Variants in NCEH1 observed in about 807,000 individuals in gnomAD.
NCEH1 encodes neutral cholesterol ester hydrolase 1.
NCEH1 carries 9 observed loss-of-function variants against 25.4 expected under a neutral mutation model. That is an observed-to-expected ratio of 0.35 (90% confidence interval 0.21 to 0.62). NCEH1 has a LOEUF of 0.62. Ranked by LOEUF, NCEH1 falls within the 20% of genes least tolerant of loss-of-function variation. NCEH1 has a pLI of 0.72. For missense variants in NCEH1, 412 were observed against 501.1 expected, an observed-to-expected ratio of 0.82 and a Z score of 1.70; for synonymous variants, 200 against 199.8, an observed-to-expected ratio of 1.00 and a Z score of -0.01.
chr3:172,692,368 T>C (rs184583912), intron 1 of NCEH1, among the ~76,000 whole-genome samples: 120 of 152,264 alleles, frequency 7.9e-4, no homozygotes, highest in African/African-American at 2.6e-3. Context: ...CTCTTTACTT[T>C]TATTTTGAGA....
At chr3:172,661,761 T>C (rs569072769) in intron 1 of NCEH1, among the ~76,000 whole-genome samples, 2 of 151,862 alleles carry the variant, frequency 1.3e-5, no homozygotes, top group Admixed American at 6.6e-5. Context: ...ACTCATGATT[T>C]GCCTCTCTGT....
intron 1 of NCEH1, among the ~76,000 whole-genome samples, chr3:172,694,416 A>G (rs1042161309): frequency 1.3e-4 from 19 of 148,510 alleles, no homozygotes; most frequent in South Asian, 2.1e-4. Flanking sequence ...GTGTGTGTGT[A>G]TGTGTGTATT....
chr3:172,710,782 T>G lies in NCEH1; in HGVS notation c.138+65A>C, dbSNP rs202018598. ...TTTTCGTGGAACCCGGCGGAGGAAT[T>G]TTGTATCCCCTTCAAATATTGCGTA... On this transcript the variant is annotated intron_variant, in intron 1 of 4. Coordinates refer to ENST00000475381, the MANE Select transcript of NCEH1 (RefSeq NM_020792.6). The G allele has an allele frequency of 3.8e-5, 60 of 1,573,694 alleles. No homozygotes were observed. In the East Asian group the frequency reaches 1.3e-3, roughly 35 times the overall value.
At chr3:172,684,563 T>C (rs1577082901) in intron 1 of NCEH1, among the ~76,000 whole-genome samples, 1 of 152,184 alleles carries the variant, frequency 6.6e-6, no homozygotes, top group African/African-American at 2.4e-5. Flanking sequence ...CTGATGAGTT[T>C]AGTTGTGAAA....
intron 1 of NCEH1, among the ~76,000 whole-genome samples, chr3:172,665,322 A>G (rs1718156312): frequency 6.6e-6 from 1 of 152,174 alleles, no homozygotes; most frequent in Non-Finnish European, 1.5e-5. Context: ...GCAGAACAGT[A>G]AATGTTGCTG....
rs77121984 is a variant in NCEH1 at position 172,634,136 on chromosome 3, T to A, written c.610-44A>T. ...ATACATTATTTCATTTTGCATGCCT[T>A]CTTTTATAGGAACCATACCCTGTAG... On this transcript the variant is annotated intron_variant, in intron 4 of 4. Coordinates refer to ENST00000475381, the MANE Select transcript of NCEH1 (RefSeq NM_020792.6). The A allele has an allele frequency of 6.6e-5, 103 of 1,567,840 alleles. No individual in the cohort carries two copies. In the African/African-American group the frequency reaches 1.3e-3, roughly 19 times the overall value.
chr3:172,669,262 G>T (rs1344155155), intron 1 of NCEH1, among the ~76,000 whole-genome samples: 1 of 152,194 alleles, frequency 6.6e-6, no homozygotes. Flanking sequence ...AATGAGATCT[G>T]CCTAGGAAGC....
intron 1 of NCEH1, among the ~76,000 whole-genome samples, chr3:172,679,583 T>C (rs1712225678): frequency 1.3e-5 from 2 of 151,876 alleles, no homozygotes; most frequent in Non-Finnish European, 2.9e-5. Context: ...GTACAGATAA[T>C]ACAGGGGTTA....
intron 1 of NCEH1, among the ~76,000 whole-genome samples, chr3:172,702,241 G>A (rs964997681): frequency 2.6e-5 from 4 of 152,146 alleles, no homozygotes; most frequent in Non-Finnish European, 5.9e-5. Flanking sequence ...TATTACCATG[G>A]GCTAAACTAA....
rs576236289 is a variant in NCEH1 at position 172,677,729 on chromosome 3, C to T, written c.139-29615G>A. On this transcript the variant is annotated intron_variant, in intron 1 of 4. Transcript: ENST00000475381. ...GGATCACGAGGTCAGGAGATTGAGA[C>T]CATCCTGGCTAACACAGCGAAACCC... Among the ~76,000 whole-genome samples, 6 of 152,318 alleles carry T rather than the reference C, an allele frequency of 3.9e-5. No individual in the cohort carries two copies. In the East Asian group the frequency reaches 9.7e-4, roughly 25 times the overall value.
At chr3:172,642,315 A>C (rs1435237080) in intron 3 of NCEH1, among the ~76,000 whole-genome samples, 1 of 152,062 alleles carries the variant, frequency 6.6e-6, no homozygotes, top group Non-Finnish European at 1.5e-5. Context: ...CTGGAACTAC[A>C]GGCATGCACC....
chr3:172,682,203 A>G (rs1489989443), intron 1 of NCEH1, among the ~76,000 whole-genome samples: 1 of 151,636 alleles, frequency 6.6e-6, no homozygotes, highest in Non-Finnish European at 1.5e-5. Flanking sequence ...GTTTAGGGAA[A>G]CAACATGCTT....
rs567261926 is a variant in NCEH1 at position 172,640,163 on chromosome 3, G to A, written c.438-4076C>T. Among the ~76,000 whole-genome samples, 3 of 152,308 alleles carry A rather than the reference G, an allele frequency of 2.0e-5. No homozygotes were observed. In the East Asian group the frequency reaches 5.8e-4, roughly 29 times the overall value. Reference sequence around the variant, plus strand: ...ACTACTTAGGTGAAAGATACATGCGGCATTCTGGAATAAAATTATACTCCT... The same window carrying A: ...ACTACTTAGGTGAAAGATACATGCGACATTCTGGAATAAAATTATACTCCT... On this transcript the variant is annotated intron_variant, in intron 3 of 4. Transcript: ENST00000475381.
At chr3:172,654,783 A>G (rs1045676376) in intron 1 of NCEH1, among the ~76,000 whole-genome samples, 6 of 152,308 alleles carry the variant, frequency 3.9e-5, no homozygotes, top group East Asian at 3.9e-4. Flanking sequence ...TTTGTATTCT[A>G]TGTCAGTGAC....
chr3:172,651,014 T>C (rs890549901), intron 1 of NCEH1, among the ~76,000 whole-genome samples: 1 of 152,164 alleles, frequency 6.6e-6, no homozygotes, highest in Non-Finnish European at 1.5e-5. Context: ...AAAATTGATA[T>C]GAACAGTAAC....
intron 1 of NCEH1, among the ~76,000 whole-genome samples, chr3:172,701,827 G>A (rs1426430343): frequency 6.6e-6 from 1 of 152,058 alleles, no homozygotes; most frequent in Non-Finnish European, 1.5e-5. Context: ...CTAAAACACA[G>A]TTTTGAGCAT....
chr3:172,684,148 G>A (rs892859161), intron 1 of NCEH1, among the ~76,000 whole-genome samples: 2 of 152,122 alleles, frequency 1.3e-5, no homozygotes, highest in Admixed American at 6.5e-5. Flanking sequence ...CTATGTATTC[G>A]TTCACTGCTT....
Position 172,633,726 on chromosome 3 carries a change from G to A in NCEH1, c.976C>T (p.Pro326Ser). 1 of 1,614,200 alleles carries A rather than the reference G, an allele frequency of 6.2e-7. No individual in the cohort carries two copies. Among genetic ancestry groups the A allele is most frequent in the Non-Finnish European group, 8.5e-7 (1 of 1,180,034 alleles). ...LPQLLDARSA[P>S]LIADQAVLQL... ...AGCACTGCCTGGTCTGCAATGAGTGGGGCGGAGCGGGCATCCAGCAACTGA... is the reference window on the plus strand; with the variant it reads ...AGCACTGCCTGGTCTGCAATGAGTGAGGCGGAGCGGGCATCCAGCAACTGA... Residue 326 changes from proline to serine, a missense_variant, in exon 5 of 5, where the codon CCA (proline) becomes TCA (serine). This residue lies in a region of NCEH1 where 210 missense variants were observed against 258.2 expected (regional missense o/e 0.81). Transcript: ENST00000475381.
At chr3:172,697,619 C>T (rs987312457) in intron 1 of NCEH1, among the ~76,000 whole-genome samples, 2 of 152,024 alleles carry the variant, frequency 1.3e-5, no homozygotes, top group African/African-American at 4.8e-5. Context: ...CAATGTGATG[C>T]ATTCTTAATG....
Sources: gnomAD v4.1 joint callset for allele counts (sites outside exome capture counted in the v4.1 genomes callset) on GRCh38, gnomAD v4.1.1 for gene constraint, gnomAD v4.1.1 regional missense constraint, MANE v1.5 for transcripts, NCBI Gene and HGNC (gene_info 2026-07-23, HGNC 2026-07-21) for gene names.